Variants in FNDC3B observed in about 807,000 individuals in gnomAD.
FNDC3B encodes fibronectin type III domain-containing protein 3B.
In FNDC3B, 12 loss-of-function variants were observed where a neutral mutation model predicts 151.5. The observed-to-expected ratio is 0.08, with a 90% confidence interval of 0.05 to 0.13. The LOEUF is 0.13. Ranked by LOEUF, FNDC3B falls within the 10% of genes least tolerant of loss-of-function variation. The pLI is 1.00. For missense variants in FNDC3B, 1,214 were observed against 1,505.3 expected (o/e 0.81, Z 3.20); for synonymous variants, 528 against 549.0 (o/e 0.96, Z 0.54).
Position 172,352,672 on chromosome 3 carries a change from C to G in FNDC3B, c.2515-131C>G, listed in dbSNP as rs1560095353. 2 of 976,216 alleles carry G rather than the reference C, an allele frequency of 2.0e-6. No individual in the cohort carries two copies. Among genetic ancestry groups the G allele is most frequent in the Non-Finnish European group, 2.9e-6 (2 of 678,194 alleles). 60.5% of individuals were successfully genotyped at this position (976,216 alleles called of 1,614,324 possible). On this transcript the variant is annotated intron_variant, in intron 21 of 25. Coordinates refer to ENST00000415807, the MANE Select transcript of FNDC3B (RefSeq NM_022763.4). The surrounding 1 kb of genome is among the most constrained non-coding windows in gnomAD (Gnocchi z 4.2). The stretch of plus-strand genomic sequence containing the variant: ...GTGGTCATCAGATAGTAGACATTTT[C>G]TAGGATTTATTTCTACCTGCATATG...
chr3:172,101,766 T>A (rs1382669199), intron 1 of FNDC3B, among the ~76,000 whole-genome samples: 1 of 152,222 alleles, frequency 6.6e-6, no homozygotes, highest in African/African-American at 2.4e-5. Flanking sequence ...ATGGAAGACA[T>A]AACTTTAGCA....
chr3:172,274,251 A>G (rs940510041), intron 6 of FNDC3B, among the ~76,000 whole-genome samples: 3 of 152,214 alleles, frequency 2.0e-5, no homozygotes, highest in African/African-American at 7.2e-5. Context: ...GCAGTAGTAT[A>G]AACATGTTTA....
At chr3:172,306,010 A>G (rs570231238) in intron 9 of FNDC3B, among the ~76,000 whole-genome samples, 2 of 152,322 alleles carry the variant, frequency 1.3e-5, no homozygotes, top group East Asian at 3.9e-4. Context: ...GTCCTCCCAT[A>G]AGGCAAATAG....
chr3:172,266,660 T>C (rs961802076), intron 6 of FNDC3B, among the ~76,000 whole-genome samples: 4 of 152,298 alleles, frequency 2.6e-5, no homozygotes, highest in African/African-American at 7.2e-5. Flanking sequence ...GCTGGCACTC[T>C]TTTGCTTGTA....
In FNDC3B at chr3:172,398,146, A is replaced by T. The variant is rs1736387959; in HGVS notation, c.*671A>T. 6.6e-6 allele frequency: 1 copy of T among 152,644 alleles called. No homozygotes were observed. Among genetic ancestry groups the T allele is most frequent in the Admixed American group, 6.5e-5 (1 of 15,282 alleles). The allele number at this position is 152,644 out of a possible 1,614,324, so 9.5% of individuals were successfully genotyped here. ...ATCAAGTAACCAGAATGCACCTATAAATTATGGAGCATTGTAGATTTTACC... is the reference window on the plus strand; with the variant it reads ...ATCAAGTAACCAGAATGCACCTATATATTATGGAGCATTGTAGATTTTACC... On this transcript the variant is annotated 3_prime_UTR_variant, in exon 26 of 26. Transcript: ENST00000415807.
intron 1 of FNDC3B, among the ~76,000 whole-genome samples, chr3:172,056,822 T>C (rs1187667130): frequency 1.3e-5 from 2 of 152,256 alleles, no homozygotes; most frequent in Non-Finnish European, 2.9e-5. Context: ...CCATCAGTTT[T>C]GTCTTGACCT....
chr3:172,166,613 G>T (rs1275716659), intron 3 of FNDC3B, among the ~76,000 whole-genome samples: 1 of 152,176 alleles, frequency 6.6e-6, no homozygotes, highest in African/African-American at 2.4e-5. Context: ...CTCTTAGCCA[G>T]GTACAGTGGC....
At chr3:172,052,900 C>A (rs897597391) in intron 1 of FNDC3B, among the ~76,000 whole-genome samples, 9 of 152,146 alleles carry the variant, frequency 5.9e-5, no homozygotes, top group Non-Finnish European at 1.3e-4. Context: ...TCATCATATT[C>A]CTTGGAGTAA....
chr3:172,134,303 A>G lies in FNDC3B; in HGVS notation c.187+757A>G, dbSNP rs532716360. On this transcript the variant is annotated intron_variant, in intron 3 of 25. Transcript: ENST00000415807. ...AAATGATGTAGGTACTTTGATCCAT[A>G]TGGAGTTCTGTGTAGGAAGATCAAC... 1.4e-4 allele frequency: 73 copies of G among 506,722 alleles called. No individual in the cohort carries two copies. In the East Asian group the frequency reaches 2.9e-3, roughly 20 times the overall value. The allele number at this position is 506,722 out of a possible 1,614,324, so 31.4% of individuals were successfully genotyped here.
intron 3 of FNDC3B, among the ~76,000 whole-genome samples, chr3:172,209,186 C>T (rs1725595586): frequency 6.6e-6 from 1 of 152,164 alleles, no homozygotes. Flanking sequence ...TCATGCTTGC[C>T]TCTGGCTCCT....
Position 172,399,811 on chromosome 3 carries a change from AT to A in FNDC3B, c.*2337del, listed in dbSNP as rs539946445. ...TTTGAAACACTTCAGAACTGCTGCT[AT>A]AAAGAAATTCTCTAATTGGTTGAAT... is the stretch of plus-strand genomic sequence containing the variant. On this transcript the variant is annotated 3_prime_UTR_variant, in exon 26 of 26. Coordinates refer to ENST00000415807, the MANE Select transcript of FNDC3B (RefSeq NM_022763.4). 4.2e-5 allele frequency: 6 copies of A among 143,118 alleles called. No individual in the cohort carries two copies. In the South Asian group the frequency reaches 1.4e-3, roughly 34 times the overall value. The allele number at this position is 143,118 out of a possible 1,614,324, so 8.9% of individuals were successfully genotyped here. A position where few individuals can be genotyped will look rare whatever the true frequency, so the allele number is the denominator to read the frequency against.
intron 4 of FNDC3B, among the ~76,000 whole-genome samples, chr3:172,230,093 T>C (rs1726808672): frequency 6.6e-6 from 1 of 152,110 alleles, no homozygotes; most frequent in Non-Finnish European, 1.5e-5. Flanking sequence ...GATTAGGTAA[T>C]GGATTTGTAT....
At chr3:172,056,067 C>A (rs1716902110) in intron 1 of FNDC3B, among the ~76,000 whole-genome samples, 1 of 152,176 alleles carries the variant, frequency 6.6e-6, no homozygotes, top group African/African-American at 2.4e-5. Flanking sequence ...AGGCGTGAGC[C>A]ACTGCGCCCG....
intron 11 of FNDC3B, among the ~76,000 whole-genome samples, chr3:172,320,480 G>C (rs756966099): frequency 3.9e-5 from 6 of 152,172 alleles, no homozygotes; most frequent in Non-Finnish European, 8.8e-5. Flanking sequence ...AAGGGAGAAA[G>C]TTCACCATGA....
intron 4 of FNDC3B, among the ~76,000 whole-genome samples, chr3:172,233,381 T>G (rs936411188): frequency 1.3e-5 from 2 of 152,222 alleles, no homozygotes; most frequent in Non-Finnish European, 2.9e-5. Context: ...TTTTGGGGAT[T>G]AATTAATGGG....
intron 22 of FNDC3B, among the ~76,000 whole-genome samples, chr3:172,356,830 C>T (rs1199247562): frequency 6.6e-6 from 1 of 152,018 alleles, no homozygotes; most frequent in African/African-American, 2.4e-5. Flanking sequence ...TAAAAGCCAG[C>T]CCATCTTTTG....
chr3:172,368,183 T>A (rs1189636704), intron 23 of FNDC3B, among the ~76,000 whole-genome samples: 1 of 150,432 alleles, frequency 6.6e-6, no homozygotes, highest in East Asian at 2.0e-4. Context: ...AGTGGGAGGA[T>A]CCCTTGAACC....
At chr3:172,302,464 C>T (rs1730960875) in intron 9 of FNDC3B, 1 of 152,242 alleles carries the variant, frequency 6.6e-6, no homozygotes. Flanking sequence ...AGCCAGATTC[C>T]ACATGGAAAA....
intron 14 of FNDC3B, 81 bp from the exon 15 acceptor site, chr3:172,334,863 C>A: frequency 1.5e-6 from 2 of 1,371,130 alleles, no homozygotes; most frequent in South Asian, 1.3e-5. Flanking sequence ...GTGCCTTAAT[C>A]TCACCATGTT....
Sources: gnomAD v4.1 joint callset for allele counts (sites outside exome capture counted in the v4.1 genomes callset) on GRCh38, gnomAD v4.1.1 for gene constraint, Gnocchi (gnomAD v3.1) non-coding constraint, MANE v1.5 for transcripts, NCBI Gene and HGNC (gene_info 2026-07-23, HGNC 2026-07-21) for gene names.